ADGRF5: variants seen among roughly 807,000 people sequenced by gnomAD.
ADGRF5 encodes the protein G-protein coupled receptor 116.
Under a neutral mutation model 132.3 loss-of-function variants are expected in ADGRF5, and 75 were observed. That is an observed-to-expected ratio of 0.57 (90% CI 0.47 to 0.69). ADGRF5 has a LOEUF of 0.69. Ranked by LOEUF, ADGRF5 falls within the 30% of genes least tolerant of loss-of-function variation. The probability of loss-of-function intolerance (pLI) is 0.00; values close to 1 mark genes in which losing one functional copy is unlikely to be tolerated. For synonymous variants in ADGRF5, 629 were observed against 597.6 expected (o/e 1.05, Z -0.77); for missense variants, 1,516 against 1,630.6 (o/e 0.93, Z 1.21).
intron 1 of ADGRF5, among the ~76,000 whole-genome samples, chr6:46,914,791 C>T (rs1346837054): frequency 4.0e-5 from 6 of 151,852 alleles, no homozygotes; most frequent in Non-Finnish European, 8.8e-5. Context: ...GGGTGCATTC[C>T]AATTGCAGAC....
rs1422346520 is a variant in ADGRF5 at position 46,900,142 on chromosome 6, C to T, written c.103-59G>A. The T allele has an allele frequency of 3.9e-6, 5 of 1,266,832 alleles. No individual in the cohort carries two copies. In the South Asian group the frequency reaches 6.0e-5, roughly 15 times the overall value. 78.5% of individuals were successfully genotyped at this position (1,266,832 alleles called of 1,614,324 possible). On this transcript the variant is annotated intron_variant, in intron 2 of 20. Coordinates refer to ENST00000283296, the MANE Select transcript of ADGRF5 (RefSeq NM_001098518.2). ...CGTTAGAGAAGTCTTTTCACTGTGGCTCCCCGCTTAGATACCCCTAAATGT... is the reference window on the plus strand; with the variant it reads ...CGTTAGAGAAGTCTTTTCACTGTGGTTCCCCGCTTAGATACCCCTAAATGT...
In ADGRF5 at chr6:46,897,659, C is replaced by A. The variant is rs187960069; in HGVS notation, c.157+2370G>T. On this transcript the variant is annotated intron_variant, in intron 3 of 20. Transcript: ENST00000283296. ...GTGCGATCTCAGCTCACTGCAACCT[C>A]CGCCTCCCGGGTTCAAGCGATTCTC... Among the ~76,000 whole-genome samples, 1,311 of 152,262 alleles carry A rather than the reference C, an allele frequency of 8.6e-3. 18 individuals carry two copies. Among genetic ancestry groups the A allele is most frequent in the African/African-American group, 0.029 (1,189 of 41,534 alleles).
chr6:46,858,183 G>A lies in ADGRF5; in HGVS notation c.3720C>T (p.Phe1240=), dbSNP rs373573502. 1.5e-5 allele frequency: 24 copies of A among 1,614,024 alleles called. No individual in the cohort carries two copies. Among genetic ancestry groups the A allele is most frequent in the Non-Finnish European group, 1.7e-5 (20 of 1,180,026 alleles). ...LTWGFGLTTV[F]PGTNLVFHII... Reference sequence around the variant, plus strand: ...TATGGAACACAAGGTTGGTCCCTGGGAACACAGTGGTGAGACCAAAACCCC... The same window carrying A: ...TATGGAACACAAGGTTGGTCCCTGGAAACACAGTGGTGAGACCAAAACCCC... The change falls in exon 17 of 21, where the codon TTC becomes TTT. Residue 1240 remains phenylalanine, a synonymous_variant. Coordinates refer to ENST00000283296, the MANE Select transcript of ADGRF5 (RefSeq NM_001098518.2).
chr6:46,902,080 G>A (rs1774833530), intron 2 of ADGRF5, among the ~76,000 whole-genome samples: 1 of 152,228 alleles, frequency 6.6e-6, no homozygotes, highest in Non-Finnish European at 1.5e-5. Flanking sequence ...CCCAGTTGCT[G>A]CTTTATTTGC....
At chr6:46,898,825 TA>T (rs1774446202) in intron 3 of ADGRF5, among the ~76,000 whole-genome samples, 1 of 152,026 alleles carries the variant, frequency 6.6e-6, no homozygotes, top group African/African-American at 2.4e-5. Context: ...TGTGATAGGG[TA>T]AAAAATTTTT....
At chr6:46,854,860 A>G in intron 20 of ADGRF5, 3 of 573,252 alleles carry the variant, frequency 5.2e-6, no homozygotes, top group South Asian at 4.6e-5. Context: ...TCAGAAGTGA[A>G]GGTCCACCAG....
chr6:46,928,913 C>T (rs901385546), intron 1 of ADGRF5, among the ~76,000 whole-genome samples: 64 of 152,224 alleles, frequency 4.2e-4, no homozygotes, highest in African/African-American at 1.5e-3. Flanking sequence ...ACTAGTTCAA[C>T]CATTGTGGAT....
rs531895332 is a variant in ADGRF5, at chr6:46,921,740, G to C, written c.-52C>G. Reference sequence around the variant, plus strand: ...GTCCAGCACTGTGGTCCCCCGGCTGGCTCCCGCTCTGATCAGATGCCTAAA... The same window carrying C: ...GTCCAGCACTGTGGTCCCCCGGCTGCCTCCCGCTCTGATCAGATGCCTAAA... On this transcript the variant is annotated 5_prime_UTR_variant, in exon 1 of 21. Coordinates refer to ENST00000283296, the MANE Select transcript of ADGRF5 (RefSeq NM_001098518.2). 6 of 152,402 alleles carry C rather than the reference G, an allele frequency of 3.9e-5. No individual in the cohort carries two copies. In the East Asian group the frequency reaches 1.2e-3, roughly 29 times the overall value. 9.4% of individuals were successfully genotyped at this position (152,402 alleles called of 1,614,324 possible).
In ADGRF5 at chr6:46,860,863, A is replaced by G. The variant is rs1411451445; in HGVS notation, c.2231T>C (p.Met744Thr). ...AAGATCCTTCAGGTATGTAGGGAGC[A>G]TCTCATCCTGAGAGGGGCTCTTGAT... ...ALIKSPSQDEMLPTYLKDLSI... is the reference protein window; with the variant it reads ...ALIKSPSQDETLPTYLKDLSI... Residue 744 changes from methionine (M) to threonine (T), a missense_variant, in exon 16 of 21, where the codon ATG becomes ACG. This residue lies in a region of ADGRF5 where 945 missense variants were observed against 929.4 expected (regional missense o/e 1.02). Transcript: ENST00000283296. 6.2e-7 allele frequency: 1 copy of G among 1,612,006 alleles called. No individual in the cohort carries two copies. The highest frequency in any genetic ancestry group is 1.1e-5 in the South Asian group (1 of 90,902).
At chr6:46,938,368 C>T (rs1256835427) in intron 1 of ADGRF5, among the ~76,000 whole-genome samples, 1 of 152,166 alleles carries the variant, frequency 6.6e-6, no homozygotes, top group African/African-American at 2.4e-5. Context: ...CTTTGACTGG[C>T]AAATAGCACT....
At position 46,878,361 on chromosome 6, in the gene ADGRF5, A is replaced by C. The variant is rs1489951869; in HGVS notation, c.1081T>G (p.Cys361Gly). 1 of 1,611,132 alleles carries C rather than the reference A, an allele frequency of 6.2e-7. No individual in the cohort carries two copies. Among genetic ancestry groups the C allele is most frequent in the Non-Finnish European group, 8.5e-7 (1 of 1,177,528 alleles). Residue 361 changes from cysteine to glycine, a missense_variant, in exon 10 of 21, where the codon TGC becomes GGC. Transcript: ENST00000283296. ...GGCATAACATCTATTTTCTTCTTGC[A>C]CTCATATTCAAAAATGTCTAATATC... is the stretch of plus-strand genomic sequence containing the variant. ...KLILDIFEYECKKKIDVMPIQ... is the reference protein window; with the variant it reads ...KLILDIFEYEGKKKIDVMPIQ...
chr6:46,934,333 C>G (rs1223317762), intron 1 of ADGRF5, among the ~76,000 whole-genome samples: 2 of 152,150 alleles, frequency 1.3e-5, no homozygotes, highest in Non-Finnish European at 2.9e-5. Context: ...GACACTTGGA[C>G]CAGATCTTTT....
Position 46,949,660 on chromosome 6 carries a change from A to G in ADGRF5, c.-25+5074T>C, listed in dbSNP as rs1170674538. Among the ~76,000 whole-genome samples, 4 of 152,330 alleles carry G rather than the reference A, an allele frequency of 2.6e-5. No homozygotes were observed. The South Asian group carries it at 8.3e-4, about 32-fold the overall frequency. The stretch of plus-strand genomic sequence containing the variant: ...TTTAAAGTTAGACCTCGGAATGGCT[A>G]GGAACCCATATCCATGTAGTCATAT... On this transcript the variant is annotated intron_variant, in intron 1 of 20. Coordinates refer to the ADGRF5 transcript ENST00000265417.
chr6:46,951,416 C>A (rs953942292), intron 1 of ADGRF5, among the ~76,000 whole-genome samples: 1 of 152,164 alleles, frequency 6.6e-6, no homozygotes, highest in Admixed American at 6.5e-5. Context: ...TGCTTTCTCC[C>A]AAGTGTCCAT....
intron 3 of ADGRF5, among the ~76,000 whole-genome samples, chr6:46,890,864 C>T (rs1773581817): frequency 6.6e-6 from 1 of 152,082 alleles, no homozygotes; most frequent in Admixed American, 6.5e-5. Flanking sequence ...CATAATATTT[C>T]AAGATTTAAA....
chr6:46,934,709 A>G (rs1242906890), intron 1 of ADGRF5, among the ~76,000 whole-genome samples: 1 of 152,198 alleles, frequency 6.6e-6, no homozygotes, highest in Non-Finnish European at 1.5e-5. Context: ...GACTTCAGGC[A>G]AACTCAACAG....
intron 2 of ADGRF5, chr6:46,905,113 ATGC>A (rs1775186321): frequency 1.3e-5 from 2 of 152,318 alleles, no homozygotes; most frequent in African/African-American, 4.8e-5. Context: ...GCACTAAGAA[ATGC>A]TGGAACAGAG....
rs1445730309 is a variant in ADGRF5 at position 46,895,302 on chromosome 6, T to C, written c.157+4727A>G. 1.3e-5 allele frequency among the ~76,000 whole-genome samples: 2 copies of C among 151,912 alleles called. 1 individual carries two copies. On this transcript the variant is annotated intron_variant, in intron 3 of 20. Transcript: ENST00000283296. ...AAAGCAAAACACTCCCAACATTAAATGTCAAGCTTAAAACCAACTCCACAC... is the reference window on the plus strand; with the variant it reads ...AAAGCAAAACACTCCCAACATTAAACGTCAAGCTTAAAACCAACTCCACAC...
chr6:46,907,946 G>T (rs532724308), intron 1 of ADGRF5: 1 of 152,170 alleles, frequency 6.6e-6, no homozygotes, highest in Non-Finnish European at 1.5e-5. Flanking sequence ...TACTCTGATC[G>T]TCAATAGAAT....
Sources: gnomAD v4.1 joint callset for allele counts (sites outside exome capture counted in the v4.1 genomes callset) on GRCh38, gnomAD v4.1.1 for gene constraint, gnomAD v4.1.1 regional missense constraint, MANE v1.5 for transcripts, NCBI Gene and HGNC (gene_info 2026-07-23, HGNC 2026-07-21) for gene names.